Variants in TSTD2 observed in about 807,000 individuals in gnomAD.
TSTD2 encodes the protein thiosulfate sulfurtransferase/rhodanese-like domain-containing protein 2.
In TSTD2, 37 loss-of-function variants were observed where a neutral mutation model predicts 47.9. The observed-to-expected ratio is 0.77, with a 90% CI of 0.59 to 1.02. The LOEUF (loss-of-function observed/expected upper bound fraction) is 1.02, where lower values mean the gene tolerates loss of function less well. TSTD2 is among the 50% of genes least tolerant of loss of function. The probability of loss-of-function intolerance (pLI) is 0.00; values close to 1 mark genes in which losing one functional copy is unlikely to be tolerated. For synonymous variants in TSTD2, 201 were observed against 215.9 expected (o/e 0.93, Z 0.61); for missense variants, 586 against 616.0 (o/e 0.95, Z 0.52).
intron 1 of TSTD2, among the ~76,000 whole-genome samples, chr9:97,630,449 A>G (rs891835971): frequency 3.9e-5 from 6 of 152,150 alleles, no homozygotes; most frequent in African/African-American, 1.4e-4. Context: ...CTTGGAGCTT[A>G]TATTCTGGTA....
At chr9:97,626,061 T>A (rs1826715524) in intron 2 of TSTD2, 64 bp from the exon 3 acceptor site, 16 of 1,442,046 alleles carry the variant, frequency 1.1e-5, no homozygotes, top group Admixed American at 2.5e-5. Flanking sequence ...AATAGAAGTC[T>A]CACTAAGATT....
Position 97,625,879 on chromosome 9 carries a change from T to G in TSTD2, c.284A>C (p.His95Pro), listed in dbSNP as rs1297479676. Reference sequence around the variant, plus strand: ...TTCATCAGCATGTTGTGTTGCCACATGTCTATGGATGCTGGTTTGGTCTGT... The same window carrying G: ...TTCATCAGCATGTTGTGTTGCCACAGGTCTATGGATGCTGGTTTGGTCTGT... ...LFTDQTSIHRHVATQHADEIY... is the reference protein window; with the variant it reads ...LFTDQTSIHRPVATQHADEIY... The change falls in exon 3 of 10, where the codon CAT (histidine) becomes CCT (proline). Residue 95 changes from histidine (H) to proline (P), a missense_variant. By Grantham distance (77) the His-to-Pro change is moderately conservative (BLOSUM62 -2). Transcript: ENST00000341170. 6.2e-7 allele frequency: 1 copy of G among 1,614,060 alleles called. No individual in the cohort carries two copies. The highest frequency in any genetic ancestry group is 2.2e-5 in the East Asian group (1 of 44,898).
At position 97,600,781 on chromosome 9, in the gene TSTD2, T is replaced by C; in HGVS notation, c.*1688A>G. The C allele has an allele frequency of 9.9e-7, 1 of 1,015,042 alleles. No individual in the cohort carries two copies. The highest frequency in any genetic ancestry group is 3.8e-5 in the South Asian group (1 of 26,570). The allele number at this position is 1,015,042 out of a possible 1,614,324, so 62.9% of individuals were successfully genotyped here. On this transcript the variant is annotated 3_prime_UTR_variant, in exon 10 of 10. Transcript: ENST00000341170. ...CCAAACCACCCCAAGATGATTACAC[T>C]GAAATGTAGTATTAGTACTGCTGCC... is the stretch of plus-strand genomic sequence containing the variant.
chr9:97,618,455 T>A (rs1826580015), intron 3 of TSTD2, among the ~76,000 whole-genome samples: 1 of 152,228 alleles, frequency 6.6e-6, no homozygotes, highest in Non-Finnish European at 1.5e-5. Context: ...AGGTCTTTCA[T>A]CACTTCTGGG....
At chr9:97,614,332 C>T (rs1157297220) in intron 4 of TSTD2, among the ~76,000 whole-genome samples, 3 of 151,610 alleles carry the variant, frequency 2.0e-5, no homozygotes, top group Non-Finnish European at 4.4e-5. Flanking sequence ...TCCTTACTAA[C>T]ATTTTGGTAT....
Position 97,604,776 on chromosome 9 carries a change from AAAC to A in TSTD2, c.1200_1202del (p.Leu400del), listed in dbSNP as rs2131305017. 6.2e-7 allele frequency: 1 copy of A among 1,614,200 alleles called. No homozygotes were observed. Among genetic ancestry groups the A allele is most frequent in the East Asian group, 2.2e-5 (1 of 44,878 alleles). On this transcript the variant is annotated inframe_deletion, in exon 9 of 10. Coordinates refer to ENST00000341170, the MANE Select transcript of TSTD2 (RefSeq NM_139246.5). ...ACAGAGCATAGCGTTCATCAAAAAC[AAAC>A]AACTTCCCTTTGTAAAAGCCATCAG... is the stretch of plus-strand genomic sequence containing the variant.
rs117062081 is a variant in TSTD2 at position 97,613,365 on chromosome 9, G to C, written c.604-1666C>G. On this transcript the variant is annotated intron_variant, in intron 4 of 9. Coordinates refer to ENST00000341170, the MANE Select transcript of TSTD2 (RefSeq NM_139246.5). ...GTTTTGCTCACCAGCATATCCCCTA[G>C]AACAGTGCCTGCCACATAGTAGGCA... Among the ~76,000 whole-genome samples the C allele has an allele frequency of 1.0e-3, 159 of 152,258 alleles. 2 individuals are homozygous for C. The East Asian group carries it at 0.026, about 25-fold the overall frequency.
chr9:97,604,427 C>G, intron 9 of TSTD2: 1 of 288,708 alleles, frequency 3.5e-6, no homozygotes, highest in Non-Finnish European at 6.4e-6. Flanking sequence ...TGAATTAGCC[C>G]AGTAGTACAG....
At chr9:97,629,497 A>G (rs77664714) in intron 1 of TSTD2, among the ~76,000 whole-genome samples, 2,804 of 152,334 alleles carry the variant, frequency 0.018, 101 homozygotes, top group African/African-American at 0.064. Context: ...CAGATTTATT[A>G]AACCTAAATT....
intron 2 of TSTD2, among the ~76,000 whole-genome samples, chr9:97,626,286 G>T (rs1207131490): frequency 1.3e-5 from 2 of 152,152 alleles, no homozygotes; most frequent in East Asian, 3.8e-4. Flanking sequence ...ACATAATACA[G>T]TTTGGCCTAA....
In TSTD2 at chr9:97,611,718, A is replaced by G; in HGVS notation, c.604-19T>C. 6.3e-7 allele frequency: 1 copy of G among 1,593,836 alleles called. No individual in the cohort carries two copies. ...TTCGAATCTGAGACACAAGACGGTG[A>G]AAAAGAGAACAGATTGTTCTTAGCT... On this transcript the variant is annotated intron_variant, in intron 4 of 9. Transcript: ENST00000341170.
intron 6 of TSTD2, 47 bp from the exon 7 acceptor site, chr9:97,606,308 C>T (rs1826364825): frequency 2.4e-6 from 3 of 1,255,516 alleles, no homozygotes; most frequent in African/African-American, 3.0e-5. Flanking sequence ...ACAAAAAAAC[C>T]AAAACCCAAT....
chr9:97,622,002 C>T (rs914808964), intron 3 of TSTD2, among the ~76,000 whole-genome samples: 13 of 152,166 alleles, frequency 8.5e-5, no homozygotes, highest in Non-Finnish European at 1.0e-4. Context: ...AAGCGACCCC[C>T]GGACACCTAG....
Position 97,605,628 on chromosome 9 carries a change from C to G in TSTD2, c.968G>C (p.Gly323Ala), listed in dbSNP as rs1379622905. 1.9e-6 allele frequency: 3 copies of G among 1,614,214 alleles called. No homozygotes were observed. The highest frequency in any genetic ancestry group is 1.3e-5 in the African/African-American group (1 of 75,056). ...TTTCCTGATGTCTGGGGCTAAGCAG[C>G]CTTGGAATCGTCCCTGTAACATAGG... The part of the protein sequence containing the change: ...FYESKIGRFQ[G>A]CLAPDIRKFS... The change falls in exon 8 of 10, where the codon GGC (glycine) becomes GCC (alanine). Residue 323 changes from glycine (G) to alanine (A), a missense_variant. Physicochemically the swap from Gly to Ala is moderately conservative, Grantham distance 60. Coordinates refer to ENST00000341170, the MANE Select transcript of TSTD2 (RefSeq NM_139246.5).
rs377701254 is a variant in TSTD2 at position 97,601,396 on chromosome 9, T to G, written c.*1073A>C. ...GTATTCCAGGTGCTGATCTAAAAAC[T>G]GTGGCTCAAATGTCACCGAGCTTAT... On this transcript the variant is annotated 3_prime_UTR_variant, in exon 10 of 10. Transcript: ENST00000341170. 323 of 1,044,906 alleles carry G rather than the reference T, an allele frequency of 3.1e-4. 1 individual carries two copies. The African/African-American group carries it at 5.2e-3, about 17-fold the overall frequency. 64.7% of individuals were successfully genotyped at this position (1,044,906 alleles called of 1,614,324 possible).
chr9:97,610,046 C>T (rs1564006930), intron 6 of TSTD2, among the ~76,000 whole-genome samples: 1 of 152,162 alleles, frequency 6.6e-6, no homozygotes, highest in Non-Finnish European at 1.5e-5. Context: ...TGCTAATGAA[C>T]TGTTTACAAG....
chr9:97,632,074 C>T (rs1280992100), intron 1 of TSTD2, among the ~76,000 whole-genome samples: 1 of 152,108 alleles, frequency 6.6e-6, no homozygotes, highest in East Asian at 1.9e-4. Context: ...ATTCAGAACT[C>T]TGCCTGGCAC....
chr9:97,603,509 C>T (rs1587974199), intron 9 of TSTD2, among the ~76,000 whole-genome samples: 1 of 152,102 alleles, frequency 6.6e-6, no homozygotes, highest in South Asian at 2.1e-4. Flanking sequence ...CAAAACAGAT[C>T]GAAGTAGTGA....
chr9:97,625,789 A>AG lies in TSTD2; in HGVS notation c.373dup (p.Leu125ProfsTer6). 6.2e-7 allele frequency: 1 copy of AG among 1,614,184 alleles called. No individual in the cohort carries two copies. The highest frequency in any genetic ancestry group is 1.1e-5 in the South Asian group (1 of 91,086). ...AGGGTTCTTTTCATCTGCAGACGAA[A>AG]GACTCTTTGAGGTGCTCAATGTCAC... On this transcript the variant is annotated frameshift_variant, in exon 3 of 10. Transcript: ENST00000341170. LOFTEE classifies it high-confidence loss of function.
Sources: allele counts gnomAD v4.1 joint callset (sites outside exome capture counted in the v4.1 genomes callset), GRCh38; gene constraint gnomAD v4.1.1; transcripts MANE v1.5; gene names NCBI Gene and HGNC (gene_info 2026-07-23, HGNC 2026-07-21).